HDAC9: variants seen among roughly 807,000 people sequenced by gnomAD.
HDAC9 encodes histone deacetylase 9, also known as MEF-2 interacting transcription repressor (MITR) protein.
HDAC9 carries 41 observed loss-of-function variants against 139.4 expected under a neutral mutation model. The observed-to-expected ratio is 0.29, with a 90% CI of 0.23 to 0.38. HDAC9 has a LOEUF of 0.38. HDAC9 is among the 10% of genes least tolerant of loss of function. The probability of loss-of-function intolerance (pLI) is 1.00; values close to 1 mark genes in which losing one functional copy is unlikely to be tolerated. For missense variants in HDAC9, 1,147 were observed against 1,297.0 expected (o/e 0.88, Z 1.78); for synonymous variants, 517 against 476.2 (o/e 1.09, Z -1.12).
At chr7:18,160,513 A>G (rs911102043) in intron 1 of HDAC9, among the ~76,000 whole-genome samples, 1 of 152,190 alleles carries the variant, frequency 6.6e-6, no homozygotes, top group African/African-American at 2.4e-5. Context: ...GAGAGTTACA[A>G]GTTATCTATT....
At chr7:18,317,094 A>AAAATAAATAAATAAAT (rs71014322) in intron 1 of HDAC9, among the ~76,000 whole-genome samples, 1 of 127,612 alleles carries the variant, frequency 7.8e-6, no homozygotes, top group African/African-American at 3.0e-5. Flanking sequence ...ACTCTGTCTC[A>AAAATAAATAAATAAAT]AAATAAATAA....
intron 1 of HDAC9, among the ~76,000 whole-genome samples, chr7:18,346,034 A>C (rs1562900171): frequency 6.6e-6 from 1 of 152,262 alleles, no homozygotes; most frequent in East Asian, 1.9e-4. Context: ...TAGAGAGACT[A>C]AAGTAGACCA....
At chr7:18,317,094 AAAATAAATAAATAAATAAATAAATAAAT>A (rs71014322) in intron 1 of HDAC9, among the ~76,000 whole-genome samples, 1 of 127,612 alleles carries the variant, frequency 7.8e-6, no homozygotes, top group Admixed American at 8.0e-5. Flanking sequence ...ACTCTGTCTC[AAAATAAATAAATAAATAAATAAATAAAT>A]AAATAAATAA....
chr7:18,230,536 C>T (rs936771459), intron 2 of HDAC9, among the ~76,000 whole-genome samples: 1 of 152,170 alleles, frequency 6.6e-6, no homozygotes, highest in Non-Finnish European at 1.5e-5. Context: ...CCGAAATGAC[C>T]TATTACGTTC....
At chr7:18,740,154 G>T (rs569497382) in intron 13 of HDAC9, among the ~76,000 whole-genome samples, 6 of 152,152 alleles carry the variant, frequency 3.9e-5, no homozygotes, top group South Asian at 2.1e-4. Context: ...GAAGTGTCCC[G>T]TTTTTCAGGT....
At chr7:18,570,873 C>G (rs144896829) in intron 2 of HDAC9, among the ~76,000 whole-genome samples, 26 of 152,310 alleles carry the variant, frequency 1.7e-4, no homozygotes, top group Middle Eastern at 3.4e-3. Flanking sequence ...AAGAGAAACT[C>G]GGGAGACTGG....
At chr7:18,990,320 G>C (rs1367502051) in intron 25 of HDAC9, among the ~76,000 whole-genome samples, 2 of 151,982 alleles carry the variant, frequency 1.3e-5, no homozygotes, top group Admixed American at 6.5e-5. Flanking sequence ...TGAGGTGTCA[G>C]TGTGCCCCTG....
chr7:18,295,233 A>G (rs1364570115), intron 1 of HDAC9, among the ~76,000 whole-genome samples: 1 of 152,160 alleles, frequency 6.6e-6, no homozygotes, highest in Non-Finnish European at 1.5e-5. Context: ...GGAGGTGGAT[A>G]AGTCATGGTC....
At chr7:18,527,363 GCTATATGGA>G (rs1176837226) in intron 2 of HDAC9, among the ~76,000 whole-genome samples, 1 of 152,108 alleles carries the variant, frequency 6.6e-6, no homozygotes, top group East Asian at 1.9e-4. Flanking sequence ...CTCTCCTTTT[GCTATATGGA>G]CTATATGTAT....
At chr7:18,287,542 G>A (rs1424803769), upstream of HDAC9, among the ~76,000 whole-genome samples, 4 of 152,192 alleles carry the variant, frequency 2.6e-5, no homozygotes, top group African/African-American at 9.6e-5. Flanking sequence ...TAAAAATCCA[G>A]ATGTCCACCT....
chr7:18,917,452 A>T (rs970421333), intron 22 of HDAC9, among the ~76,000 whole-genome samples: 5 of 147,952 alleles, frequency 3.4e-5, no homozygotes, highest in African/African-American at 1.2e-4. Flanking sequence ...GTATATATGA[A>T]AAAAGACAGT....
intron 6 of HDAC9, among the ~76,000 whole-genome samples, chr7:18,629,119 T>C (rs951256090): frequency 6.6e-6 from 1 of 152,132 alleles, no homozygotes; most frequent in South Asian, 2.1e-4. Context: ...CTTTTTACTT[T>C]CATATTTAGA....
At chr7:18,210,011 CTT>C (rs34805942) in intron 2 of HDAC9, among the ~76,000 whole-genome samples, 50 of 146,732 alleles carry the variant, frequency 3.4e-4, no homozygotes, top group Admixed American at 6.1e-4. Context: ...AGAGAAGGTA[CTT>C]TTTTTTTTTT....
intron 1 of HDAC9, among the ~76,000 whole-genome samples, chr7:18,421,791 C>T (rs978321303): frequency 6.6e-5 from 10 of 152,250 alleles, no homozygotes; most frequent in African/African-American, 1.9e-4. Flanking sequence ...GGTGAATGCA[C>T]AAGATTAATG....
At chr7:18,496,750 C>A (rs780048338) in intron 2 of HDAC9, 107 of 157,608 alleles carry the variant, frequency 6.8e-4, no homozygotes, top group Middle Eastern at 3.3e-3. Context: ...TACTCTGTGC[C>A]TACAGAAGCA....
chr7:18,751,249 T>C (rs1221891027), intron 14 of HDAC9, among the ~76,000 whole-genome samples: 1 of 152,128 alleles, frequency 6.6e-6, no homozygotes, highest in Admixed American at 6.6e-5. Flanking sequence ...AACACTATCA[T>C]ACAACTATGG....
chr7:18,192,246 A>G (rs1790400788), intron 2 of HDAC9, among the ~76,000 whole-genome samples: 1 of 152,196 alleles, frequency 6.6e-6, no homozygotes, highest in Non-Finnish European at 1.5e-5. Flanking sequence ...GGCAGGTAGA[A>G]TGCAACTTCT....
intron 21 of HDAC9, among the ~76,000 whole-genome samples, chr7:18,845,690 C>A (rs914865620): frequency 6.6e-6 from 1 of 152,070 alleles, no homozygotes. Context: ...CTAGATACAG[C>A]TAATGAACCA....
intron 2 of HDAC9, among the ~76,000 whole-genome samples, chr7:18,562,946 G>A (rs757944932): frequency 6.6e-6 from 1 of 152,016 alleles, no homozygotes; most frequent in Non-Finnish European, 1.5e-5. Context: ...TAATTTCGAT[G>A]TACAAGGTTT....
Sources: gnomAD v4.1 joint callset for allele counts (sites outside exome capture counted in the v4.1 genomes callset) on GRCh38, gnomAD v4.1.1 for gene constraint, MANE v1.5 for transcripts, NCBI Gene and HGNC (gene_info 2026-07-23, HGNC 2026-07-21) for gene names.